The following GLDC variants were observed in gnomAD, a reference collection of about 807,000 sequenced individuals.
GLDC encodes the protein glycine dehydrogenase (decarboxylating), mitochondrial.
In GLDC, 104 loss-of-function variants were observed where a neutral mutation model predicts 121.3. That is an observed-to-expected ratio of 0.86 (90% CI 0.73 to 1.01). The LOEUF (loss-of-function observed/expected upper bound fraction) is 1.01, where lower values mean the gene tolerates loss of function less well. GLDC is among the 50% of genes least tolerant of loss of function. The pLI, the probability that GLDC is intolerant of heterozygous loss-of-function variation, is 0.00. For synonymous variants in GLDC, 546 were observed against 480.6 expected (o/e 1.14, Z -1.78); for missense variants, 1,429 against 1,306.6 (o/e 1.09, Z -1.44).
intron 19 of GLDC, 42 bp downstream of exon 19, chr9:6,554,627 C>G: frequency 2.2e-6 from 3 of 1,359,906 alleles, no homozygotes; most frequent in Non-Finnish European, 3.1e-6. Flanking sequence ...CTCCTTCATT[C>G]TGTCTCCAAA....
chr9:6,618,882 G>A (rs552963698), intron 3 of GLDC, among the ~76,000 whole-genome samples: 7 of 151,904 alleles, frequency 4.6e-5, no homozygotes, highest in South Asian at 4.2e-4. Context: ...GGTGGCTCAC[G>A]CCTGTAATCC....
At chr9:6,594,606 A>C (rs1215727690) in intron 9 of GLDC, among the ~76,000 whole-genome samples, 1 of 152,170 alleles carries the variant, frequency 6.6e-6, no homozygotes, top group Non-Finnish European at 1.5e-5. Context: ...GAGGCAGGAC[A>C]ATCACATGAA....
chr9:6,593,098 C>G, intron 9 of GLDC, 108 bp from the exon 10 acceptor site: 1 of 1,187,684 alleles, frequency 8.4e-7, no homozygotes, highest in Non-Finnish European at 1.3e-6. Context: ...TCTTGTTGGT[C>G]CTGGGGAGTG....
chr9:6,644,354 C>T (rs954836289), intron 2 of GLDC, among the ~76,000 whole-genome samples: 2 of 152,004 alleles, frequency 1.3e-5, no homozygotes, highest in African/African-American at 2.4e-5. Context: ...TGCTACAAAA[C>T]GCAGGGGAAG....
chr9:6,602,218 TA>T lies in GLDC; in HGVS notation c.1059-14del. 2 of 1,497,314 alleles carry T rather than the reference TA, an allele frequency of 1.3e-6. No individual in the cohort carries two copies. The highest frequency in any genetic ancestry group is 1.9e-6 in the Non-Finnish European group (2 of 1,074,642). 92.8% of individuals were successfully genotyped at this position (1,497,314 alleles called of 1,614,324 possible). On this transcript the variant is annotated splice_polypyrimidine_tract_variant and intron_variant, in intron 7 of 24. Transcript: ENST00000321612. ...CCCAGTGGCATCTCTACACCAAGAA[TA>T]AGGCATCCAGTTAGCACAGATAATC...
Position 6,565,424 on chromosome 9 carries a change from G to A in GLDC, c.1856C>T (p.Ala619Val). 1 of 1,612,520 alleles carries A rather than the reference G, an allele frequency of 6.2e-7. No individual in the cohort carries two copies. The highest frequency in any genetic ancestry group is 8.5e-7 in the Non-Finnish European group (1 of 1,178,584). ...GGCCAGTCCAGCATATTCTCCCTGG[G>A]CTCCGCTTGCAAAGACAAGAAGAAA... ...DQVCFQPNSG[A>V]QGEYAGLATI... The change falls in exon 16 of 25, where the codon GCC becomes GTC. Residue 619 changes from alanine (A) to valine (V), a missense_variant. By Grantham distance (64) the Ala-to-Val change is moderately conservative (BLOSUM62 0). Coordinates refer to ENST00000321612, the MANE Select transcript of GLDC (RefSeq NM_000170.3).
chr9:6,568,940 G>T (rs1817902235), intron 15 of GLDC: 1 of 152,230 alleles, frequency 6.6e-6, no homozygotes, highest in Non-Finnish European at 1.5e-5. Flanking sequence ...GCAGAATGGG[G>T]AAATTGAGCA....
intron 2 of GLDC, among the ~76,000 whole-genome samples, chr9:6,622,132 A>G (rs977307232): frequency 7.4e-5 from 11 of 147,904 alleles, no homozygotes; most frequent in South Asian, 4.3e-4. Context: ...CAAGTAAAAT[A>G]CTTTCACCCT....
At chr9:6,618,239 G>A (rs1469755992) in intron 3 of GLDC, among the ~76,000 whole-genome samples, 2 of 152,204 alleles carry the variant, frequency 1.3e-5, no homozygotes, top group East Asian at 3.9e-4. Flanking sequence ...TGTATAAAAT[G>A]GCACCAATCC....
chr9:6,619,218 G>T (rs1401874961), intron 3 of GLDC, among the ~76,000 whole-genome samples: 2 of 148,562 alleles, frequency 1.3e-5, no homozygotes, highest in African/African-American at 2.5e-5. Context: ...AGGTAAGACT[G>T]GAATAAGTAA....
intron 3 of GLDC, among the ~76,000 whole-genome samples, chr9:6,617,071 G>C (rs978458452): frequency 3.9e-5 from 6 of 152,086 alleles, no homozygotes; most frequent in Non-Finnish European, 7.4e-5. Flanking sequence ...TTTCTTTCGA[G>C]GCTATGTCAT....
At chr9:6,643,264 G>C (rs1253364045) in intron 2 of GLDC, among the ~76,000 whole-genome samples, 1 of 151,614 alleles carries the variant, frequency 6.6e-6, no homozygotes, top group African/African-American at 2.4e-5. Flanking sequence ...ATCTCAATTA[G>C]TTCAATTCAG....
intron 18 of GLDC, among the ~76,000 whole-genome samples, chr9:6,555,399 T>C (rs1033124486): frequency 2.0e-5 from 3 of 151,978 alleles, no homozygotes; most frequent in African/African-American, 7.3e-5. Context: ...TCATTTATGC[T>C]ACAGAACCAA....
At chr9:6,616,489 C>T (rs1218715996) in intron 3 of GLDC, among the ~76,000 whole-genome samples, 1 of 152,158 alleles carries the variant, frequency 6.6e-6, no homozygotes, top group Non-Finnish European at 1.5e-5. Context: ...GGTGTTAATG[C>T]TCTTAACAAT....
At chr9:6,542,698 C>A (rs62568960) in intron 21 of GLDC, among the ~76,000 whole-genome samples, 2 of 151,750 alleles carry the variant, frequency 1.3e-5, no homozygotes, top group Admixed American at 6.6e-5. Context: ...CCAGCCTGGG[C>A]AGCATAGTGA....
chr9:6,610,389 G>C (rs754454610), intron 3 of GLDC, 33 bp from the exon 4 acceptor site: 1 of 1,610,594 alleles, frequency 6.2e-7, no homozygotes, highest in Non-Finnish European at 8.5e-7. Context: ...TGTCCAAACT[G>C]ACTGCTGTTT....
intron 2 of GLDC, among the ~76,000 whole-genome samples, chr9:6,630,348 G>A (rs987819563): frequency 6.6e-6 from 1 of 152,116 alleles, no homozygotes; most frequent in African/African-American, 2.4e-5. Flanking sequence ...GTACATGGGT[G>A]TACATCCCAT....
intron 2 of GLDC, 71 bp from the exon 3 acceptor site, chr9:6,620,390 C>T: frequency 1.5e-6 from 2 of 1,320,490 alleles, no homozygotes; most frequent in Non-Finnish European, 2.2e-6. Flanking sequence ...AGTTTAAATC[C>T]CTCATTTTGT....
intron 21 of GLDC, among the ~76,000 whole-genome samples, chr9:6,543,848 C>G (rs1459706956): frequency 6.6e-6 from 1 of 151,202 alleles, no homozygotes; most frequent in Non-Finnish European, 1.5e-5. Flanking sequence ...CTAACAGTGA[C>G]TACAGCTGAG....
Sources: allele counts gnomAD v4.1 joint callset (sites outside exome capture counted in the v4.1 genomes callset), GRCh38; gene constraint gnomAD v4.1.1; transcripts MANE v1.5; gene names NCBI Gene and HGNC (gene_info 2026-07-23, HGNC 2026-07-21).